The following EXD1 variants were observed in gnomAD, a reference collection of about 807,000 sequenced individuals.
EXD1 encodes piRNA biogenesis protein EXD1.
In EXD1, 63 loss-of-function variants were observed where a neutral mutation model predicts 49.1. That is an observed-to-expected ratio of 1.28 (90% confidence interval 1.05 to 1.58). The LOEUF (loss-of-function observed/expected upper bound fraction) is 1.58, where lower values mean the gene tolerates loss of function less well. Among genes scored for constraint, EXD1 ranks in the 40% most tolerant of loss-of-function variants. The pLI is 0.00. For synonymous variants in EXD1, 234 were observed against 239.2 expected, an observed-to-expected ratio of 0.98 and a Z score of 0.20; for missense variants, 748 against 666.0, an observed-to-expected ratio of 1.12 and a Z score of -1.36.
chr15:41,227,181 A>C (rs776417669), intron 1 of EXD1, among the ~76,000 whole-genome samples: 1 of 152,224 alleles, frequency 6.6e-6, no homozygotes, highest in Non-Finnish European at 1.5e-5. Flanking sequence ...GGCAAGTAGG[A>C]CAATAGTGGT....
chr15:41,184,672 T>TTG (rs879703880), intron 11 of EXD1, 79 bp from the exon 12 acceptor site: 32 of 1,373,782 alleles, frequency 2.3e-5, no homozygotes, highest in Non-Finnish European at 3.1e-5. Flanking sequence ...TTTTTTTTTT[T>TTG]GAGATGGAGT....
chr15:41,230,535 T>C lies in EXD1; in HGVS notation c.-110A>G. The C allele has an allele frequency of 6.2e-7, 1 of 1,614,190 alleles. No individual in the cohort carries two copies. Among genetic ancestry groups the C allele is most frequent in the Non-Finnish European group, 8.5e-7 (1 of 1,180,000 alleles). On this transcript the variant is annotated 5_prime_UTR_variant, in exon 1 of 12. Transcript: ENST00000458580. Reference sequence around the variant, plus strand: ...TAGGGCTTTTTCCTCCGAAGGAAGTTTGGGAAATCTGGATCCTAATTTCAG... The same window carrying C: ...TAGGGCTTTTTCCTCCGAAGGAAGTCTGGGAAATCTGGATCCTAATTTCAG...
At chr15:41,185,323 G>A (rs956222479) in intron 11 of EXD1, among the ~76,000 whole-genome samples, 6 of 151,352 alleles carry the variant, frequency 4.0e-5, no homozygotes, top group East Asian at 1.9e-4. Context: ...ATCTCTTTCA[G>A]GTTTTGGGAA....
intron 2 of EXD1, among the ~76,000 whole-genome samples, chr15:41,225,030 T>C (rs1392084243): frequency 6.6e-6 from 1 of 152,154 alleles, no homozygotes; most frequent in Admixed American, 6.5e-5. Context: ...TTATCCTTTA[T>C]GATAACTGGA....
intron 7 of EXD1, among the ~76,000 whole-genome samples, chr15:41,200,038 G>A (rs997610525): frequency 6.6e-6 from 1 of 151,050 alleles, no homozygotes; most frequent in African/African-American, 2.4e-5. Context: ...CAAGTAGCTG[G>A]GACTACAGGC....
chr15:41,223,737 C>T (rs1350326603), intron 2 of EXD1, among the ~76,000 whole-genome samples: 1 of 145,638 alleles, frequency 6.9e-6, no homozygotes, highest in Non-Finnish European at 1.5e-5. Flanking sequence ...TGGTGGCGGG[C>T]GCCTGTAGTC....
At chr15:41,196,661 C>T (rs1455750022) in intron 7 of EXD1, among the ~76,000 whole-genome samples, 3 of 140,460 alleles carry the variant, frequency 2.1e-5, no homozygotes, top group African/African-American at 8.0e-5. Context: ...GAACTCCTGA[C>T]CTCAGGTGAT....
chr15:41,199,722 T>TTATATATCTCA (rs1391239565), intron 7 of EXD1, among the ~76,000 whole-genome samples: 37,456 of 93,442 alleles, frequency 0.4, 10,691 homozygotes, highest in East Asian at 0.73. Flanking sequence ...ATATGATATA[T>TTATATATCTCA]TATATATGAT....
At chr15:41,207,433 G>A (rs777303523) in intron 7 of EXD1, among the ~76,000 whole-genome samples, 15 of 151,668 alleles carry the variant, frequency 9.9e-5, no homozygotes, top group Non-Finnish European at 1.6e-4. Flanking sequence ...GGCTACTCGG[G>A]AGAGGCTGAG....
At chr15:41,218,183 C>T (rs868700042) in intron 3 of EXD1, among the ~76,000 whole-genome samples, 1 of 151,984 alleles carries the variant, frequency 6.6e-6, no homozygotes, top group South Asian at 2.1e-4. Context: ...TGTGTCTCTA[C>T]TAAAAAAATA....
At chr15:41,193,926 G>C (rs145803390) in intron 9 of EXD1, among the ~76,000 whole-genome samples, 45 of 150,454 alleles carry the variant, frequency 3.0e-4, no homozygotes, top group African/African-American at 1.0e-3. Flanking sequence ...CTTTGCAGCT[G>C]TGATTAAGTT....
intron 2 of EXD1, among the ~76,000 whole-genome samples, chr15:41,223,436 C>T (rs1468441351): frequency 1.3e-5 from 2 of 148,642 alleles, no homozygotes; most frequent in African/African-American, 2.5e-5. Flanking sequence ...AATTTTTTTT[C>T]GGGGCTGGGT....
At chr15:41,208,581 C>T (rs1243670822) in intron 7 of EXD1, among the ~76,000 whole-genome samples, 6 of 151,496 alleles carry the variant, frequency 4.0e-5, no homozygotes, top group African/African-American at 1.2e-4. Context: ...GGTGAAACCC[C>T]GTCTCTACTA....
chr15:41,183,792 A>G lies in EXD1; in HGVS notation c.*139T>C, dbSNP rs2046357964. On this transcript the variant is annotated 3_prime_UTR_variant, in exon 12 of 12. Transcript: ENST00000458580. ...ATTCTCCGCATACCAGGAACACAGG[A>G]GTAAGCAAGAGGATATAATTTTCCC... The G allele has an allele frequency of 1.7e-5, 12 of 705,294 alleles. No individual in the cohort carries two copies. Among genetic ancestry groups the G allele is most frequent in the Non-Finnish European group, 2.7e-5 (12 of 436,502 alleles). 43.7% of individuals were successfully genotyped at this position (705,294 alleles called of 1,614,324 possible). A position where few individuals can be genotyped will look rare whatever the true frequency, so the allele number is the denominator to read the frequency against.
intron 5 of EXD1, 145 bp from the exon 6 acceptor site, chr15:41,215,978 C>T (rs1243631552): frequency 1.5e-6 from 1 of 678,828 alleles, no homozygotes; most frequent in Admixed American, 2.4e-5. Context: ...CTACGTACTA[C>T]TTCTCTTCCT....
At chr15:41,200,509 G>C (rs989886213) in intron 7 of EXD1, among the ~76,000 whole-genome samples, 3 of 152,160 alleles carry the variant, frequency 2.0e-5, no homozygotes, top group Admixed American at 1.3e-4. Context: ...GAGCAAGAAA[G>C]AGCAAGACTC....
Position 41,192,592 on chromosome 15 carries a change from GCA to G in EXD1, c.721-1009_721-1008del, listed in dbSNP as rs1256974642. ...TTACAGGCGTGAACCACTGCGCCAG[GCA>G]TTTTTTTTTTTTTTTTTTTTTTTTT... On this transcript the variant is annotated intron_variant, in intron 9 of 11. Transcript: ENST00000458580. 6.1e-4 allele frequency among the ~76,000 whole-genome samples: 53 copies of G among 86,214 alleles called. 10 individuals carry two copies. Among genetic ancestry groups the G allele is most frequent in the South Asian group, 1.4e-3 (4 of 2,916 alleles). The allele number at this position is 86,214 out of a possible 152,430, so 56.6% of individuals were successfully genotyped here.
Position 41,209,509 on chromosome 15 carries a change from A to C in EXD1, c.526T>G (p.Trp176Gly). 6.2e-7 allele frequency: 1 copy of C among 1,614,118 alleles called. No individual in the cohort carries two copies. The highest frequency in any genetic ancestry group is 8.5e-7 in the Non-Finnish European group (1 of 1,180,010). The change falls in exon 7 of 12, where the codon TGG becomes GGG. Residue 176 changes from tryptophan to glycine, a missense_variant. Trp to Gly is a radical substitution (Grantham distance 184). Transcript: ENST00000458580. ...TTTCAAAAATCTTTCACCTGCAGCCAGCACAGTTTGCCATGGCGACATACA... is the reference window on the plus strand; with the variant it reads ...TTTCAAAAATCTTTCACCTGCAGCCCGCACAGTTTGCCATGGCGACATACA... ...ANVCRHGKLC[W>G]LQVATNCRVY...
intron 6 of EXD1, among the ~76,000 whole-genome samples, chr15:41,214,394 T>C (rs1458832796): frequency 1.3e-5 from 2 of 151,232 alleles, no homozygotes; most frequent in Middle Eastern, 3.4e-3. Context: ...ATGCCTGTAA[T>C]ACCAGCTACT....
Sources: allele counts gnomAD v4.1 joint callset (sites outside exome capture counted in the v4.1 genomes callset), GRCh38; gene constraint gnomAD v4.1.1; transcripts MANE v1.5; gene names NCBI Gene and HGNC (gene_info 2026-07-23, HGNC 2026-07-21).